The following PSMD3 variants were observed in gnomAD, a reference collection of about 807,000 sequenced individuals.
PSMD3 encodes the protein 26S proteasome non-ATPase regulatory subunit 3.
In PSMD3, 5 loss-of-function variants were observed where a neutral mutation model predicts 62.8. The ratio of observed to expected loss-of-function variants is 0.08; its 90% CI spans 0.04 to 0.17. PSMD3 has a LOEUF of 0.17. Ranked by LOEUF, PSMD3 falls within the 10% of genes least tolerant of loss-of-function variation. The probability of loss-of-function intolerance (pLI) is 1.00; values close to 1 mark genes in which losing one functional copy is unlikely to be tolerated. For missense variants in PSMD3, 524 were observed against 713.6 expected (o/e 0.73, Z 3.03); for synonymous variants, 265 against 283.9 (o/e 0.93, Z 0.67).
Position 39,995,390 on chromosome 17 carries a change from A to G in PSMD3, c.1217-34A>G, listed in dbSNP as rs1319912727. The G allele has an allele frequency of 3.1e-6, 5 of 1,611,706 alleles. No individual in the cohort carries two copies. The highest frequency in any genetic ancestry group is 2.7e-5 in the African/African-American group (2 of 74,682). On this transcript the variant is annotated intron_variant, in intron 8 of 11. Coordinates refer to ENST00000264639, the MANE Select transcript of PSMD3 (RefSeq NM_002809.4). This position sits in a 1 kb window ranked among gnomAD's most constrained non-coding sequence, Gnocchi z 4.1. ...TTGGGCAAGTGAAGGGTCTGTGTCC[A>G]CTCTGCCCACCCCATCGCTCCTTCC...
Position 39,988,944 on chromosome 17 carries a change from G to A in PSMD3, c.686+125G>A, listed in dbSNP as rs1396133278. On this transcript the variant is annotated intron_variant, in intron 4 of 11. Coordinates refer to ENST00000264639, the MANE Select transcript of PSMD3 (RefSeq NM_002809.4). Reference sequence around the variant, plus strand: ...GATGTAAGCAGGGAAGAGGGGCAGTGGTTCCCATGCCCTGCGCCACGTGAG... The same window carrying A: ...GATGTAAGCAGGGAAGAGGGGCAGTAGTTCCCATGCCCTGCGCCACGTGAG... The A allele has an allele frequency of 4.6e-6, 6 of 1,316,652 alleles. No homozygotes were observed. In the African/African-American group the frequency reaches 7.3e-5, roughly 16 times the overall value. 81.6% of individuals were successfully genotyped at this position (1,316,652 alleles called of 1,614,324 possible). A position where few individuals can be genotyped will look rare whatever the true frequency, so the allele number is the denominator to read the frequency against.
chr17:39,986,542 A>G, intron 2 of PSMD3, 33 bp from the exon 3 acceptor site: 1 of 1,612,522 alleles, frequency 6.2e-7, no homozygotes, highest in Non-Finnish European at 8.5e-7. Context: ...GATCAGACTG[A>G]GCTTTTCCAT....
intron 1 of PSMD3, among the ~76,000 whole-genome samples, chr17:39,981,720 T>G (rs182993794): frequency 6.6e-6 from 1 of 152,352 alleles, no homozygotes; most frequent in Admixed American, 6.5e-5. Context: ...CTAACTGAAG[T>G]GTCCCAACAG....
In PSMD3 at chr17:39,989,998, G is replaced by T. The variant is rs1417930829; in HGVS notation, c.877+69G>T. On this transcript the variant is annotated intron_variant, in intron 5 of 11. Coordinates refer to ENST00000264639, the MANE Select transcript of PSMD3 (RefSeq NM_002809.4). ...CCTGCCTGGTGCAAATTTTCCAAGG[G>T]GTGGTGCATAAGAGGCCCATTTGGC... is the stretch of plus-strand genomic sequence containing the variant. The T allele has an allele frequency of 2.5e-6, 4 of 1,576,980 alleles. No homozygotes were observed. The East Asian group carries it at 9.2e-5, about 36-fold the overall frequency.
At chr17:39,989,609 C>T (rs1980606536) in intron 4 of PSMD3, 130 bp from the exon 5 acceptor site, 1 of 872,518 alleles carries the variant, frequency 1.1e-6, no homozygotes, top group Non-Finnish European at 1.7e-6. Flanking sequence ...CGATAGTTAA[C>T]AGTATTCAGC....
At chr17:39,982,142 T>C (rs186218942) in intron 1 of PSMD3, among the ~76,000 whole-genome samples, 191 of 152,320 alleles carry the variant, frequency 1.3e-3, no homozygotes, top group African/African-American at 4.2e-3. Flanking sequence ...TCCTAGGTGG[T>C]GCTTTTGAGG....
At chr17:39,990,791 C>G (rs1284588873) in intron 6 of PSMD3, among the ~76,000 whole-genome samples, 2 of 152,156 alleles carry the variant, frequency 1.3e-5, no homozygotes, top group Non-Finnish European at 2.9e-5. Flanking sequence ...CCTTCATGTT[C>G]ACATTTGGAA....
Position 39,997,497 on chromosome 17 carries a change from T to C in PSMD3, c.1528-7T>C, listed in dbSNP as rs763596064. ...GAAGCTTTGGCCTCACTTGCCTCTC[T>C]CCCCAGGAACGGCGTGAGCGAGAAC... On this transcript the variant is annotated splice_region_variant and splice_polypyrimidine_tract_variant and intron_variant, in intron 11 of 11. Coordinates refer to ENST00000264639, the MANE Select transcript of PSMD3 (RefSeq NM_002809.4). 6.8e-6 allele frequency: 11 copies of C among 1,613,172 alleles called. No individual in the cohort carries two copies. The highest frequency in any genetic ancestry group is 3.3e-5 in the Admixed American group (2 of 59,942).
Position 39,990,183 on chromosome 17 carries a change from G to A in PSMD3, c.967G>A (p.Gly323Ser), listed in dbSNP as rs747183511. 3.7e-6 allele frequency: 6 copies of A among 1,612,980 alleles called. No homozygotes were observed. Among genetic ancestry groups the A allele is most frequent in the East Asian group, 2.2e-5 (1 of 44,852 alleles). ...LRKAPQHTAV[G>S]FKQTVHKLLI... Reference sequence around the variant, plus strand: ...CAAGGCCCCTCAGCACACAGCTGTCGGCTTCAAACAGACGGTGAGCCACAA... The same window carrying A: ...CAAGGCCCCTCAGCACACAGCTGTCAGCTTCAAACAGACGGTGAGCCACAA... The change falls in exon 6 of 12, where the codon GGC (glycine) becomes AGC (serine). Residue 323 changes from glycine (G) to serine (S), a missense_variant. This residue lies in a region of PSMD3 where 396 missense variants were observed against 475.8 expected (regional missense o/e 0.83). Coordinates refer to ENST00000264639, the MANE Select transcript of PSMD3 (RefSeq NM_002809.4).
At position 39,996,114 on chromosome 17, in the gene PSMD3, C is replaced by G. The variant is rs1980776639; in HGVS notation, c.1321-69C>G. 2 of 1,557,802 alleles carry G rather than the reference C, an allele frequency of 1.3e-6. No homozygotes were observed. Among genetic ancestry groups the G allele is most frequent in the Non-Finnish European group, 1.7e-6 (2 of 1,144,094 alleles). On this transcript the variant is annotated intron_variant, in intron 9 of 11. Coordinates refer to ENST00000264639, the MANE Select transcript of PSMD3 (RefSeq NM_002809.4). This position sits in a 1 kb window ranked among gnomAD's most constrained non-coding sequence, Gnocchi z 5.1. ...CCTGCCTGGGTGACAGAGCGAGACT[C>G]CATCTCAAAAAAAAAAAAAAAGAAG...
intron 3 of PSMD3, among the ~76,000 whole-genome samples, chr17:39,988,053 G>A (rs569802788): frequency 6.6e-6 from 1 of 152,372 alleles, no homozygotes; most frequent in South Asian, 2.1e-4. Flanking sequence ...GTTGTGGTGA[G>A]CCGGGATTGT....
chr17:39,980,870 C>T lies in PSMD3; in HGVS notation c.-101C>T. ...GTCATCGTGCGGCCCGACGCTATCTCGCGCTCGTGTGCAGGCCCGGCTCGG... is the reference window on the plus strand; with the variant it reads ...GTCATCGTGCGGCCCGACGCTATCTTGCGCTCGTGTGCAGGCCCGGCTCGG... On this transcript the variant is annotated 5_prime_UTR_variant, in exon 1 of 12. Transcript: ENST00000264639. The T allele has an allele frequency of 9.3e-7, 1 of 1,075,840 alleles. No individual in the cohort carries two copies. The highest frequency in any genetic ancestry group is 1.3e-6 in the Non-Finnish European group (1 of 781,822). The allele number at this position is 1,075,840 out of a possible 1,614,324, so 66.6% of individuals were successfully genotyped here. A position where few individuals can be genotyped will look rare whatever the true frequency, so the allele number is the denominator to read the frequency against.
Position 39,995,308 on chromosome 17 carries a change from A to T in PSMD3, c.1216+13A>T. The T allele has an allele frequency of 6.2e-7, 1 of 1,613,788 alleles. No individual in the cohort carries two copies. Among genetic ancestry groups the T allele is most frequent in the East Asian group, 2.2e-5 (1 of 44,850 alleles). On this transcript the variant is annotated intron_variant, in intron 8 of 11. Coordinates refer to ENST00000264639, the MANE Select transcript of PSMD3 (RefSeq NM_002809.4). This position sits in a 1 kb window ranked among gnomAD's most constrained non-coding sequence, Gnocchi z 4.1. ...GTGATTAAGACAGGTGTGGATCAGG[A>T]TCTGAGGGGCTGTTGGAGGAGCAGA...
chr17:39,990,341 G>GCATGGTGGCTCA, intron 6 of PSMD3, 144 bp downstream of exon 6: 2 of 692,696 alleles, frequency 2.9e-6, no homozygotes, highest in Non-Finnish European at 4.8e-6. Flanking sequence ...GGGATCACAG[G>GCATGGTGGCTCA]TATGAGCCAC....
intron 3 of PSMD3, among the ~76,000 whole-genome samples, chr17:39,987,715 T>C (rs1189734700): frequency 2.0e-5 from 3 of 152,126 alleles, no homozygotes; most frequent in African/African-American, 4.8e-5. Flanking sequence ...ACTCCTGGGC[T>C]CAGGTAGTCC....
At chr17:39,990,222 T>C in intron 6 of PSMD3, 25 bp downstream of exon 6, 2 of 1,456,716 alleles carry the variant, frequency 1.4e-6, no homozygotes, top group African/African-American at 1.6e-5. Flanking sequence ...CCATCATCCC[T>C]TTGCCTCTTT....
At chr17:39,981,215 T>G (rs936817132) in intron 1 of PSMD3, 25 bp downstream of exon 1, 35 of 1,548,836 alleles carry the variant, frequency 2.3e-5, no homozygotes, top group Admixed American at 1.6e-4. Context: ...GCCGGGAACG[T>G]GCCGCGATCG....
Position 39,984,466 on chromosome 17 carries a change from G to T in PSMD3, c.393G>T (p.Leu131Phe). The change falls in exon 2 of 12, where the codon TTG becomes TTT. Residue 131 changes from leucine (L) to phenylalanine (F), a missense_variant. Physicochemically the swap from Leu to Phe is conservative, Grantham distance 22. Around this residue, in one of 4 missense-constraint regions of PSMD3, gnomAD observed 396 missense variants for 475.8 expected, o/e 0.83. Coordinates refer to ENST00000264639, the MANE Select transcript of PSMD3 (RefSeq NM_002809.4). ...CAAATAATGCCACTCGAGACTTTTTGCTCCCCTTCCTGGAAGAGGTGAGTG... is the reference window on the plus strand; with the variant it reads ...CAAATAATGCCACTCGAGACTTTTTTCTCCCCTTCCTGGAAGAGGTGAGTG... Reference protein sequence around the residue: ...FTSNNATRDFLLPFLEEPMDT... With the variant: ...FTSNNATRDFFLPFLEEPMDT... 6.2e-7 allele frequency: 1 copy of T among 1,611,756 alleles called. No homozygotes were observed. Among genetic ancestry groups the T allele is most frequent in the Non-Finnish European group, 8.5e-7 (1 of 1,178,832 alleles).
In PSMD3 at chr17:39,997,645, G is replaced by GC; in HGVS notation, c.*67dup. The GC allele has an allele frequency of 6.5e-7, 1 of 1,546,286 alleles. No individual in the cohort carries two copies. Among genetic ancestry groups the GC allele is most frequent in the South Asian group, 1.1e-5 (1 of 88,226 alleles). ...GCTCTTTCCCCCTTGGGGGTCCCCT[G>GC]CCCAGGGCACTGTCCCCATTTTCCC... On this transcript the variant is annotated 3_prime_UTR_variant, in exon 12 of 12. Transcript: ENST00000264639.
Sources: allele counts gnomAD v4.1 joint callset (sites outside exome capture counted in the v4.1 genomes callset), GRCh38; gene constraint gnomAD v4.1.1; regional missense constraint gnomAD v4.1.1; non-coding constraint Gnocchi (gnomAD v3.1); transcripts MANE v1.5; gene names NCBI Gene and HGNC (gene_info 2026-07-23, HGNC 2026-07-21).